MFSD2B: variants seen among roughly 807,000 people sequenced by gnomAD.
The protein encoded by MFSD2B is sphingosine-1-phosphate transporter MFSD2B.
In MFSD2B, 56 loss-of-function variants were observed where a neutral mutation model predicts 58.4. The observed-to-expected ratio is 0.96, with a 90% confidence interval of 0.77 to 1.20. The LOEUF is 1.20. MFSD2B is among the 50% of genes most tolerant of loss of function. The pLI is 0.00. For synonymous variants in MFSD2B, 287 were observed against 294.4 expected (o/e 0.97, Z 0.26); for missense variants, 645 against 667.6 (o/e 0.97, Z 0.37).
In MFSD2B at chr2:24,024,031, T is replaced by G; in HGVS notation, c.1314-64T>G. ...GGGTGGGGTGGGGTGAGGTGTCGAGTCCCTCCACCCAGGGTGCCAGGCTCA... is the reference window on the plus strand; with the variant it reads ...GGGTGGGGTGGGGTGAGGTGTCGAGGCCCTCCACCCAGGGTGCCAGGCTCA... On this transcript the variant is annotated intron_variant, in intron 12 of 13. Coordinates refer to ENST00000338315, the MANE Select transcript of MFSD2B (RefSeq NM_001346880.2). The surrounding 1 kb of genome is among the most constrained non-coding windows in gnomAD (Gnocchi z 4.3). The G allele has an allele frequency of 6.6e-7, 1 of 1,526,684 alleles. No individual in the cohort carries two copies. The highest frequency in any genetic ancestry group is 9.0e-7 in the Non-Finnish European group (1 of 1,112,502). 94.6% of individuals were successfully genotyped at this position (1,526,684 alleles called of 1,614,324 possible).
At position 24,021,046 on chromosome 2, in the gene MFSD2B, G is replaced by A. The variant is rs1662763517; in HGVS notation, c.682-602G>A. Among the ~76,000 whole-genome samples the A allele has an allele frequency of 6.6e-6, 1 of 151,596 alleles. No homozygotes were observed. Among genetic ancestry groups the A allele is most frequent in the African/African-American group, 2.4e-5 (1 of 41,184 alleles). ...TGAGTAGCTAGGATGACAGGCACCCGCCACCACACCCAGCTAAATGTTTGT... is the reference window on the plus strand; with the variant it reads ...TGAGTAGCTAGGATGACAGGCACCCACCACCACACCCAGCTAAATGTTTGT... On this transcript the variant is annotated intron_variant, in intron 6 of 13. Transcript: ENST00000338315. This position sits in a 1 kb window ranked among gnomAD's most constrained non-coding sequence, Gnocchi z 5.7.
rs1246958459 is a variant in MFSD2B at position 24,022,941 on chromosome 2, G to A, written c.1059+39G>A. Reference sequence around the variant, plus strand: ...GAATCAAGGATTGGGGGTGGCCGGAGGGGAGAGGTGAGCGAGGTGACCTTG... The same window carrying A: ...GAATCAAGGATTGGGGGTGGCCGGAAGGGAGAGGTGAGCGAGGTGACCTTG... On this transcript the variant is annotated intron_variant, in intron 10 of 13. Transcript: ENST00000338315. This position sits in a 1 kb window ranked among gnomAD's most constrained non-coding sequence, Gnocchi z 4.5. The A allele has an allele frequency of 6.4e-7, 1 of 1,574,542 alleles. No individual in the cohort carries two copies. The highest frequency in any genetic ancestry group is 2.2e-5 in the East Asian group (1 of 44,618).
At position 24,022,045 on chromosome 2, in the gene MFSD2B, T is replaced by C. The variant is rs2150942033; in HGVS notation, c.894+75T>C. On this transcript the variant is annotated intron_variant, in intron 8 of 13. Coordinates refer to ENST00000338315, the MANE Select transcript of MFSD2B (RefSeq NM_001346880.2). This position sits in a 1 kb window ranked among gnomAD's most constrained non-coding sequence, Gnocchi z 4.5. The stretch of plus-strand genomic sequence containing the variant: ...CTTGCATAGGTTCAGGGTGCAGTCT[T>C]GGCTTGAGTTTTATAGGGAGAAACC... The C allele has an allele frequency of 6.4e-7, 1 of 1,574,002 alleles. No individual in the cohort carries two copies. Among genetic ancestry groups the C allele is most frequent in the Non-Finnish European group, 8.7e-7 (1 of 1,149,206 alleles).
rs1253177699 is a variant in MFSD2B at position 24,023,705 on chromosome 2, G to A, written c.1292G>A (p.Gly431Asp). Reference sequence around the variant, plus strand: ...AAGCTGTCTGGCGCATGTGCCCTGGGCATCTCCACCCTCAGTCTGGAGTGA... The same window carrying A: ...AAGCTGTCTGGCGCATGTGCCCTGGACATCTCCACCCTCAGTCTGGAGTGA... ...FTKLSGACAL[G>D]ISTLSLEFSG... Residue 431 changes from glycine (G) to aspartate (D), a missense_variant, in exon 12 of 14, where the codon GGC becomes GAC. Transcript: ENST00000338315. The surrounding 1 kb of genome is among the most constrained non-coding windows in gnomAD (Gnocchi z 5.0). The A allele has an allele frequency of 6.2e-7, 1 of 1,613,784 alleles. No individual in the cohort carries two copies. The highest frequency in any genetic ancestry group is 8.5e-7 in the Non-Finnish European group (1 of 1,179,838).
In MFSD2B at chr2:24,022,673, T is replaced by C. The variant is rs571012931; in HGVS notation, c.979-149T>C. 56 of 826,766 alleles carry C rather than the reference T, an allele frequency of 6.8e-5. No individual in the cohort carries two copies. In the South Asian group the frequency reaches 8.6e-4, roughly 13 times the overall value. The allele number at this position is 826,766 out of a possible 1,614,324, so 51.2% of individuals were successfully genotyped here. A position where few individuals can be genotyped will look rare whatever the true frequency, so the allele number is the denominator to read the frequency against. On this transcript the variant is annotated intron_variant, in intron 9 of 13. Transcript: ENST00000338315. This position sits in a 1 kb window ranked among gnomAD's most constrained non-coding sequence, Gnocchi z 4.5. ...ACCTGCATTCCAGCAGAGGGTAGAA[T>C]TGGGGCCAGGATTACAACATTCATA...
intron 6 of MFSD2B, among the ~76,000 whole-genome samples, chr2:24,019,944 T>A (rs1472207662): frequency 6.6e-6 from 1 of 152,182 alleles, no homozygotes; most frequent in Non-Finnish European, 1.5e-5. Context: ...TGCACTCACA[T>A]CTGCGCCCCC....
Position 24,024,999 on chromosome 2 carries a change from G to C in MFSD2B, c.1491-433G>C, listed in dbSNP as rs1662928192. On this transcript the variant is annotated intron_variant, in intron 13 of 13. Coordinates refer to ENST00000338315, the MANE Select transcript of MFSD2B (RefSeq NM_001346880.2). This position sits in a 1 kb window ranked among gnomAD's most constrained non-coding sequence, Gnocchi z 4.3. ...ATCCCAAGAGCCCAGCACAGAGCCT[G>C]AGGCCAAGCAGGTACTCAGGAATCA... Among the ~76,000 whole-genome samples the C allele has an allele frequency of 6.6e-6, 1 of 152,210 alleles. No individual in the cohort carries two copies. Among genetic ancestry groups the C allele is most frequent in the South Asian group, 2.1e-4 (1 of 4,836 alleles).
At position 24,017,157 on chromosome 2, in the gene MFSD2B, CT is replaced by C; in HGVS notation, c.472-127del. Reference sequence around the variant, plus strand: ...CCTGCCTTTGGGACCCTAGCTCCGACTTCAGGTGGCCAGCTGGGATATGTCA... The same window carrying C: ...CCTGCCTTTGGGACCCTAGCTCCGACTCAGGTGGCCAGCTGGGATATGTCA... On this transcript the variant is annotated intron_variant, in intron 4 of 13. Coordinates refer to ENST00000338315, the MANE Select transcript of MFSD2B (RefSeq NM_001346880.2). This position sits in a 1 kb window ranked among gnomAD's most constrained non-coding sequence, Gnocchi z 4.8. The C allele has an allele frequency of 7.8e-7, 1 of 1,274,068 alleles. No homozygotes were observed. The highest frequency in any genetic ancestry group is 2.5e-5 in the East Asian group (1 of 39,518). The allele number at this position is 1,274,068 out of a possible 1,614,324, so 78.9% of individuals were successfully genotyped here.
In MFSD2B at chr2:24,023,613, T is replaced by C. The variant is rs1226351612; in HGVS notation, c.1200T>C (p.Phe400=). 2 of 1,613,940 alleles carry C rather than the reference T, an allele frequency of 1.2e-6. No individual in the cohort carries two copies. Among genetic ancestry groups the C allele is most frequent in the Admixed American group, 3.3e-5 (2 of 60,016 alleles). ...WSMLPDVVDD[F]QLQHRHGPGL... is the part of the protein sequence containing the mutation. ...TGCTGCCAGACGTGGTGGATGACTT[T>C]CAGCTGCAGCACCGTCACGGGCCAG... Residue 400 remains phenylalanine, a synonymous_variant, in exon 12 of 14, where the codon TTT becomes TTC. Coordinates refer to ENST00000338315, the MANE Select transcript of MFSD2B (RefSeq NM_001346880.2). The surrounding 1 kb of genome is among the most constrained non-coding windows in gnomAD (Gnocchi z 5.0).
chr2:24,024,416 C>T lies in MFSD2B; in HGVS notation c.1490+145C>T, dbSNP rs993231210. ...CCTTAGCTCAGGGTCACCCTTTTCTCCTGGATTTTCTTCTCCCACTCTGGC... is the reference window on the plus strand; with the variant it reads ...CCTTAGCTCAGGGTCACCCTTTTCTTCTGGATTTTCTTCTCCCACTCTGGC... On this transcript the variant is annotated intron_variant, in intron 13 of 13. Transcript: ENST00000338315. This position sits in a 1 kb window ranked among gnomAD's most constrained non-coding sequence, Gnocchi z 4.3. 2.4e-6 allele frequency: 2 copies of T among 835,580 alleles called. No homozygotes were observed. The highest frequency in any genetic ancestry group is 5.4e-5 in the East Asian group (2 of 37,358). The allele number at this position is 835,580 out of a possible 1,614,324, so 51.8% of individuals were successfully genotyped here.
intron 2 of MFSD2B, 23 bp downstream of exon 2, chr2:24,013,433 T>A: frequency 2.5e-6 from 4 of 1,581,764 alleles, no homozygotes; most frequent in Non-Finnish European, 2.6e-6. Flanking sequence ...AGTAGCCCAG[T>A]CTCTGCTGGC....
intron 1 of MFSD2B, 139 bp downstream of exon 1, chr2:24,010,331 G>T: frequency 1.6e-6 from 1 of 628,630 alleles, no homozygotes; most frequent in Admixed American, 4.4e-5. Flanking sequence ...GCCCTCGCGG[G>T]GTTACACGGC....
Position 24,023,761 on chromosome 2 carries a change from A to G in MFSD2B, c.1313+35A>G, listed in dbSNP as rs1287684614. The G allele has an allele frequency of 2.1e-5, 33 of 1,607,838 alleles. No individual in the cohort carries two copies. Among genetic ancestry groups the G allele is most frequent in the Non-Finnish European group, 2.7e-5 (32 of 1,176,032 alleles). On this transcript the variant is annotated intron_variant, in intron 12 of 13. Coordinates refer to ENST00000338315, the MANE Select transcript of MFSD2B (RefSeq NM_001346880.2). The surrounding 1 kb of genome is among the most constrained non-coding windows in gnomAD (Gnocchi z 5.0). The stretch of plus-strand genomic sequence containing the variant: ...AGGGTTAGGATACAGCAGAGGCACC[A>G]AGGACCAGTGGGCAGGAAGAGGGCA...
In MFSD2B at chr2:24,023,067, T is replaced by C; in HGVS notation, c.1060-63T>C. 7.0e-7 allele frequency: 1 copy of C among 1,437,080 alleles called. No homozygotes were observed. The highest frequency in any genetic ancestry group is 9.8e-7 in the Non-Finnish European group (1 of 1,024,696). The allele number at this position is 1,437,080 out of a possible 1,614,324, so 89.0% of individuals were successfully genotyped here. A position where few individuals can be genotyped will look rare whatever the true frequency, so the allele number is the denominator to read the frequency against. ...CATGGGGGTCGTCAGTCGAGTCGTG[T>C]GTGAAGGAGCAGGCCCCACGAAGAA... On this transcript the variant is annotated intron_variant, in intron 10 of 13. Transcript: ENST00000338315. This position sits in a 1 kb window ranked among gnomAD's most constrained non-coding sequence, Gnocchi z 5.0.
In MFSD2B at chr2:24,017,689, C is replaced by A; in HGVS notation, c.681+101C>A. 2.3e-6 allele frequency: 3 copies of A among 1,293,892 alleles called. No homozygotes were observed. Among genetic ancestry groups the A allele is most frequent in the Non-Finnish European group, 3.1e-6 (3 of 955,766 alleles). The allele number at this position is 1,293,892 out of a possible 1,614,324, so 80.2% of individuals were successfully genotyped here. A position where few individuals can be genotyped will look rare whatever the true frequency, so the allele number is the denominator to read the frequency against. ...TCTCCCGTCCACACCACTTTGTTGT[C>A]TTTTAGGGGGCTCACTGTGCCCCCT... On this transcript the variant is annotated intron_variant, in intron 6 of 13. Coordinates refer to ENST00000338315, the MANE Select transcript of MFSD2B (RefSeq NM_001346880.2). This position sits in a 1 kb window ranked among gnomAD's most constrained non-coding sequence, Gnocchi z 4.8.
rs1662888327 is a variant in MFSD2B, at chr2:24,023,815, T to G, written c.1313+89T>G. 1 of 1,451,252 alleles carries G rather than the reference T, an allele frequency of 6.9e-7. No homozygotes were observed. The highest frequency in any genetic ancestry group is 1.9e-5 in the Admixed American group (1 of 53,476). The allele number at this position is 1,451,252 out of a possible 1,614,324, so 89.9% of individuals were successfully genotyped here. A position where few individuals can be genotyped will look rare whatever the true frequency, so the allele number is the denominator to read the frequency against. On this transcript the variant is annotated intron_variant, in intron 12 of 13. Transcript: ENST00000338315. This position sits in a 1 kb window ranked among gnomAD's most constrained non-coding sequence, Gnocchi z 5.0. ...CCCCTCACCTACCAAGCTCAGGGCA[T>G]CCATGAGCCTGGGGCCTAAGCGCTA...
chr2:24,013,365 C>T lies in MFSD2B; in HGVS notation c.177C>T (p.Ser59=), dbSNP rs372274973. The T allele has an allele frequency of 2.4e-5, 39 of 1,610,954 alleles. No individual in the cohort carries two copies. The highest frequency in any genetic ancestry group is 1.4e-4 in the South Asian group (13 of 90,426). ...GGGTCCCCAACCAGATAGCCTCCAG[C>T]GCCACAGCCTTTTACCTGCAGCTTT... is the stretch of plus-strand genomic sequence containing the variant. ...IGGVPNQIAS[S]ATAFYLQLFL... is the part of the protein sequence containing the mutation. Residue 59 remains serine (S), a synonymous_variant, in exon 2 of 14, where the codon AGC becomes AGT. Coordinates refer to ENST00000338315, the MANE Select transcript of MFSD2B (RefSeq NM_001346880.2).
chr2:24,021,195 G>A lies in MFSD2B; in HGVS notation c.682-453G>A, dbSNP rs1662770149. Among the ~76,000 whole-genome samples, 1 of 152,082 alleles carries A rather than the reference G, an allele frequency of 6.6e-6. No individual in the cohort carries two copies. Among genetic ancestry groups the A allele is most frequent in the Admixed American group, 6.6e-5 (1 of 15,264 alleles). ...TGACAGGCATGAGCCACCGCGCCCG[G>A]CCCTGCTTCCTCCATTAATCTGAGT... On this transcript the variant is annotated intron_variant, in intron 6 of 13. Transcript: ENST00000338315. This position sits in a 1 kb window ranked among gnomAD's most constrained non-coding sequence, Gnocchi z 5.7.
In MFSD2B at chr2:24,017,609, G is replaced by A; in HGVS notation, c.681+21G>A. The A allele has an allele frequency of 6.5e-7, 1 of 1,533,678 alleles. No homozygotes were observed. Among genetic ancestry groups the A allele is most frequent in the South Asian group, 1.2e-5 (1 of 81,618 alleles). Reference sequence around the variant, plus strand: ...ATGCAGTAAGTGCACTGGGTGGCAAGGCCCCCCAACCTGGGGTCCCCTCTG... The same window carrying A: ...ATGCAGTAAGTGCACTGGGTGGCAAAGCCCCCCAACCTGGGGTCCCCTCTG... On this transcript the variant is annotated intron_variant, in intron 6 of 13. Transcript: ENST00000338315. The surrounding 1 kb of genome is among the most constrained non-coding windows in gnomAD (Gnocchi z 4.8).
Sources: allele counts gnomAD v4.1 joint callset (sites outside exome capture counted in the v4.1 genomes callset), GRCh38; gene constraint gnomAD v4.1.1; non-coding constraint Gnocchi (gnomAD v3.1); transcripts MANE v1.5; gene names NCBI Gene and HGNC (gene_info 2026-07-23, HGNC 2026-07-21).